The following PPARGC1A variants were observed in gnomAD, a reference collection of about 807,000 sequenced individuals.
The protein encoded by PPARGC1A is peroxisome proliferator-activated receptor gamma coactivator 1-alpha.
In PPARGC1A, 25 loss-of-function variants were observed where a neutral mutation model predicts 88.7. The observed-to-expected ratio is 0.28, with a 90% CI of 0.21 to 0.39. PPARGC1A has a LOEUF of 0.39. Ranked by LOEUF, PPARGC1A falls within the 10% of genes least tolerant of loss-of-function variation. The pLI, the probability that PPARGC1A is intolerant of heterozygous loss-of-function variation, is 1.00. For missense variants in PPARGC1A, 880 were observed against 968.7 expected (o/e 0.91, Z 1.22); for synonymous variants, 363 against 355.6 (o/e 1.02, Z -0.24).
the PPARGC1A span, among the ~76,000 whole-genome samples, chr4:24,134,930 CTTCA>C: frequency 1.3e-5 from 2 of 152,148 alleles, no homozygotes. Flanking sequence ...TCATCTGTGC[CTTCA>C]TTAAGACTTT....
At chr4:23,935,691 T>C in the PPARGC1A span, among the ~76,000 whole-genome samples, 5 of 152,212 alleles carry the variant, frequency 3.3e-5, no homozygotes, top group Non-Finnish European at 7.3e-5. Flanking sequence ...TGTATCTCTG[T>C]TTTACATGTG....
the PPARGC1A span, among the ~76,000 whole-genome samples, chr4:24,217,671 T>C: frequency 6.6e-6 from 1 of 152,078 alleles, no homozygotes; most frequent in Non-Finnish European, 1.5e-5. Context: ...TGTGTGGTGG[T>C]GCACACCTGT....
intron 2 of PPARGC1A, among the ~76,000 whole-genome samples, chr4:23,840,183 C>A (rs1354012560): frequency 6.6e-6 from 1 of 151,970 alleles, no homozygotes; most frequent in Non-Finnish European, 1.5e-5. Context: ...AACCAAGGAT[C>A]GCCATATAAT....
chr4:23,858,061 A>C (rs1730528206), intron 2 of PPARGC1A, among the ~76,000 whole-genome samples: 1 of 152,066 alleles, frequency 6.6e-6, no homozygotes, highest in Non-Finnish European at 1.5e-5. Flanking sequence ...CCGTGGAATG[A>C]AATGGTTCTT....
At chr4:24,340,517 C>A in the PPARGC1A span, among the ~76,000 whole-genome samples, 2 of 152,044 alleles carry the variant, frequency 1.3e-5, no homozygotes, top group African/African-American at 4.8e-5. Flanking sequence ...ACTGATTAAA[C>A]ACAGCATAAG....
At chr4:24,379,492 T>C in the PPARGC1A span, among the ~76,000 whole-genome samples, 6 of 152,116 alleles carry the variant, frequency 3.9e-5, no homozygotes, top group Admixed American at 3.3e-4. Flanking sequence ...CAAATACTGA[T>C]CATTATACAT....
upstream of PPARGC1A, among the ~76,000 whole-genome samples, chr4:23,905,235 A>G (rs1233075383): frequency 6.6e-6 from 1 of 152,216 alleles, no homozygotes; most frequent in Non-Finnish European, 1.5e-5. Flanking sequence ...TCAACTCTTG[A>G]TCCTAATTCT....
upstream of PPARGC1A, among the ~76,000 whole-genome samples, chr4:23,890,818 C>A (rs1311650193): frequency 6.6e-6 from 1 of 152,068 alleles, no homozygotes; most frequent in Non-Finnish European, 1.5e-5. Flanking sequence ...ATTTCCATTT[C>A]TCTCATAGGC....
the PPARGC1A span, among the ~76,000 whole-genome samples, chr4:23,978,349 T>C: frequency 6.6e-6 from 1 of 152,210 alleles, no homozygotes; most frequent in Non-Finnish European, 1.5e-5. Flanking sequence ...GAAGATTTGT[T>C]ATGTTTTATT....
the PPARGC1A span, among the ~76,000 whole-genome samples, chr4:24,143,186 T>C: frequency 6.6e-6 from 1 of 152,232 alleles, no homozygotes; most frequent in South Asian, 2.1e-4. Context: ...GTTTACTCTC[T>C]TGTTTTTCAT....
At chr4:24,143,275 C>T in the PPARGC1A span, among the ~76,000 whole-genome samples, 6 of 152,048 alleles carry the variant, frequency 3.9e-5, no homozygotes, top group African/African-American at 1.4e-4. Context: ...GGTGTAGGGA[C>T]AGACAGCCTC....
chr4:23,907,572 C>A (rs1318371797), upstream of PPARGC1A, among the ~76,000 whole-genome samples: 1 of 152,148 alleles, frequency 6.6e-6, no homozygotes, highest in Non-Finnish European at 1.5e-5. Flanking sequence ...AGCTGCTTAA[C>A]TTGTCTGATT....
chr4:24,338,817 A>G, the PPARGC1A span, among the ~76,000 whole-genome samples: 1 of 152,164 alleles, frequency 6.6e-6, no homozygotes, highest in Non-Finnish European at 1.5e-5. Flanking sequence ...CTTAATTCCA[A>G]AGGCCCCACT....
chr4:24,209,245 C>A, the PPARGC1A span, among the ~76,000 whole-genome samples: 1 of 152,234 alleles, frequency 6.6e-6, no homozygotes, highest in African/African-American at 2.4e-5. Flanking sequence ...CCGGAAGAAT[C>A]TAAAACAGGC....
the PPARGC1A span, among the ~76,000 whole-genome samples, chr4:24,315,152 A>G: frequency 2.0e-5 from 3 of 152,186 alleles, no homozygotes; most frequent in Non-Finnish European, 2.9e-5. Flanking sequence ...CATAGAGTCA[A>G]GCCCAGAGAT....
At chr4:24,109,006 A>ACACACACACAC in the PPARGC1A span, among the ~76,000 whole-genome samples, 8 of 150,354 alleles carry the variant, frequency 5.3e-5, no homozygotes, top group African/African-American at 2.0e-4. Context: ...TCACACACAC[A>ACACACACACAC]CACACACACA....
the PPARGC1A span, among the ~76,000 whole-genome samples, chr4:24,285,279 C>G: frequency 6.6e-6 from 1 of 152,186 alleles, no homozygotes; most frequent in African/African-American, 2.4e-5. Flanking sequence ...CTCTTTCAAA[C>G]TACAAATATG....
intron 2 of PPARGC1A, among the ~76,000 whole-genome samples, chr4:23,844,614 ATAT>A (rs1470306786): frequency 5.3e-5 from 5 of 93,534 alleles, no homozygotes; most frequent in East Asian, 2.8e-4. Context: ...ATATAGTAAT[ATAT>A]TATATTAATA....
At chr4:24,461,554 G>GTA in the PPARGC1A span, among the ~76,000 whole-genome samples, 2 of 152,104 alleles carry the variant, frequency 1.3e-5, no homozygotes, top group Non-Finnish European at 2.9e-5. Flanking sequence ...ACTATTTTGT[G>GTA]TATATCTATT....
Sources: gnomAD v4.1 joint callset for allele counts (sites outside exome capture counted in the v4.1 genomes callset) on GRCh38, gnomAD v4.1.1 for gene constraint, MANE v1.5 for transcripts, NCBI Gene and HGNC (gene_info 2026-07-23, HGNC 2026-07-21) for gene names.